The following CAMSAP1 variants were observed in gnomAD, a reference collection of about 807,000 sequenced individuals.
CAMSAP1 encodes calmodulin regulated spectrin associated protein 1, also known as calmodulin-regulated spectrin-associated protein 1.
In CAMSAP1, 58 loss-of-function variants were observed where a neutral mutation model predicts 143.5. The observed-to-expected ratio is 0.40, with a 90% CI of 0.33 to 0.50. The LOEUF (loss-of-function observed/expected upper bound fraction) is 0.50. CAMSAP1 is among the 20% of genes least tolerant of loss of function. CAMSAP1 has a pLI of 0.45. For missense variants in CAMSAP1, 1,969 were observed against 2,115.7 expected, an observed-to-expected ratio of 0.93 and a Z score of 1.36; for synonymous variants, 945 against 859.3, an observed-to-expected ratio of 1.10 and a Z score of -1.74.
intron 3 of CAMSAP1, among the ~76,000 whole-genome samples, chr9:135,877,797 C>T (rs1033866515): frequency 6.6e-6 from 1 of 151,862 alleles, no homozygotes; most frequent in African/African-American, 2.4e-5. Flanking sequence ...GGCCACAAAA[C>T]GAGACTCTGT....
chr9:135,823,200 G>A lies in CAMSAP1; in HGVS notation c.1461C>T (p.Pro487=). The part of the protein sequence containing the change: ...LHHAASCEVD[P]SSGDSISLAR... The stretch of plus-strand genomic sequence containing the variant: ...CCAAGCTGATGCTGTCGCCAGAGCT[G>A]GGATCCACTTCACAACTCGCAGCGT... Residue 487 remains proline (P), a synonymous_variant, in exon 11 of 17, where the codon CCC becomes CCT. Transcript: ENST00000389532. 1.3e-6 allele frequency: 2 copies of A among 1,588,524 alleles called. No individual in the cohort carries two copies. Among genetic ancestry groups the A allele is most frequent in the Non-Finnish European group, 1.7e-6 (2 of 1,165,820 alleles).
At chr9:135,864,316 C>A (rs1723948627) in intron 4 of CAMSAP1, among the ~76,000 whole-genome samples, 2 of 152,316 alleles carry the variant, frequency 1.3e-5, no homozygotes, top group Admixed American at 1.3e-4. Flanking sequence ...GTTAAAAGAT[C>A]TATATTGATT....
chr9:135,877,671 G>A (rs1412839392), intron 3 of CAMSAP1, among the ~76,000 whole-genome samples: 1 of 151,940 alleles, frequency 6.6e-6, no homozygotes, highest in African/African-American at 2.4e-5. Context: ...AATCAGCCAG[G>A]CACGGTGGTG....
chr9:135,869,518 A>C (rs1431857498), intron 3 of CAMSAP1, among the ~76,000 whole-genome samples: 5 of 152,062 alleles, frequency 3.3e-5, no homozygotes, highest in Non-Finnish European at 5.9e-5. Flanking sequence ...AAAAAAAAAA[A>C]AAACAGCCAG....
At chr9:135,841,278 T>C (rs1377330721) in intron 7 of CAMSAP1, among the ~76,000 whole-genome samples, 2 of 152,212 alleles carry the variant, frequency 1.3e-5, no homozygotes, top group Non-Finnish European at 1.5e-5. Context: ...GCAAAGCCGC[T>C]GTAGCCAGAC....
At chr9:135,866,719 C>T (rs374924480) in intron 3 of CAMSAP1, among the ~76,000 whole-genome samples, 183 bp from the exon 4 acceptor site, 4 of 152,168 alleles carry the variant, frequency 2.6e-5, no homozygotes, top group African/African-American at 7.2e-5. Flanking sequence ...CAACAAGGTC[C>T]GCCTGCTACC....
chr9:135,849,415 T>C (rs1431000970), intron 7 of CAMSAP1, among the ~76,000 whole-genome samples: 1 of 152,230 alleles, frequency 6.6e-6, no homozygotes, highest in Non-Finnish European at 1.5e-5. Context: ...GTGTCATCTT[T>C]AATTTGCATA....
chr9:135,810,735 T>C lies in CAMSAP1; in HGVS notation c.*574A>G, dbSNP rs1183553414. 6.5e-6 allele frequency: 1 copy of C among 152,690 alleles called. No individual in the cohort carries two copies. The highest frequency in any genetic ancestry group is 1.5e-5 in the Non-Finnish European group (1 of 68,108). 9.5% of individuals were successfully genotyped at this position (152,690 alleles called of 1,614,324 possible). A position where few individuals can be genotyped will look rare whatever the true frequency, so the allele number is the denominator to read the frequency against. On this transcript the variant is annotated 3_prime_UTR_variant, in exon 17 of 17. Transcript: ENST00000389532. ...CAGAAATCTTAGAATTGGATATAAA[T>C]GTTGGCAGTAGACACAACCAATAAA...
At position 135,823,992 on chromosome 9, in the gene CAMSAP1, T is replaced by C. The variant is rs1835583040; in HGVS notation, c.1358A>G (p.Gln453Arg). Residue 453 changes from glutamine (Q) to arginine (R), a missense_variant, in exon 10 of 17, where the codon CAG (glutamine) becomes CGG (arginine). Physicochemically the swap from Gln to Arg is conservative, Grantham distance 43. This residue lies in a region of CAMSAP1 where 1,390 missense variants were observed against 1,420.8 expected (regional missense o/e 0.98). Coordinates refer to ENST00000389532, the MANE Select transcript of CAMSAP1 (RefSeq NM_015447.4). ...CCAGGCTATTGCTGCTCCTCGAGGCTGACCATCAACTCGGGTCAAAGAATT... is the reference window on the plus strand; with the variant it reads ...CCAGGCTATTGCTGCTCCTCGAGGCCGACCATCAACTCGGGTCAAAGAATT... ...RSNSLTRVDGQPRGAAIAWPE... is the reference protein window; with the variant it reads ...RSNSLTRVDGRPRGAAIAWPE... 2.5e-6 allele frequency: 4 copies of C among 1,590,270 alleles called. No homozygotes were observed. Among genetic ancestry groups the C allele is most frequent in the Non-Finnish European group, 2.6e-6 (3 of 1,167,974 alleles).
At chr9:135,819,672 T>TAA (rs55894826) in intron 11 of CAMSAP1, among the ~76,000 whole-genome samples, 3,066 of 104,534 alleles carry the variant, frequency 0.029, 111 homozygotes, top group African/African-American at 0.089. Flanking sequence ...TGTCTCCACT[T>TAA]AAAAAAAAAA....
chr9:135,852,358 A>C (rs1300737079), intron 5 of CAMSAP1, among the ~76,000 whole-genome samples: 1 of 152,216 alleles, frequency 6.6e-6, no homozygotes, highest in African/African-American at 2.4e-5. Context: ...ATATGGTTAC[A>C]TTTAACAATC....
At chr9:135,888,606 C>G (rs570512732) in intron 1 of CAMSAP1, among the ~76,000 whole-genome samples, 11 of 152,198 alleles carry the variant, frequency 7.2e-5, no homozygotes, top group Admixed American at 1.3e-4. Context: ...CCAGAATGTC[C>G]CCGTGGGCGG....
In CAMSAP1 at chr9:135,822,300, G is replaced by T. The variant is rs371489446; in HGVS notation, c.2361C>A (p.Asp787Glu). ...GGCAGGGGCTCGAGCGGCCGCTGGC[G>T]TCATCTTTGTCTTCATGTTCCTTCA... ...MKVKEHEDKD[D>E]ASGRSSPCLS... is the part of the protein sequence containing the mutation. The change falls in exon 11 of 17, where the codon GAC becomes GAA. Residue 787 changes from aspartate (D) to glutamate (E), a missense_variant. By Grantham distance (45) the Asp-to-Glu change is conservative. This residue lies in a region of CAMSAP1 where 1,390 missense variants were observed against 1,420.8 expected (regional missense o/e 0.98). Coordinates refer to ENST00000389532, the MANE Select transcript of CAMSAP1 (RefSeq NM_015447.4). This position sits in a 1 kb window ranked among gnomAD's most constrained non-coding sequence, Gnocchi z 6.1. The T allele has an allele frequency of 1.2e-6, 2 of 1,613,870 alleles. No individual in the cohort carries two copies. Among genetic ancestry groups the T allele is most frequent in the South Asian group, 2.2e-5 (2 of 91,090 alleles).
At chr9:135,829,297 T>A (rs560479957) in intron 7 of CAMSAP1, among the ~76,000 whole-genome samples, 1 of 150,742 alleles carries the variant, frequency 6.6e-6, no homozygotes, top group Admixed American at 6.6e-5. Flanking sequence ...AGCTCAGGAG[T>A]TCTAGACTAG....
At chr9:135,904,963 T>TAAA (rs1838730787) in intron 1 of CAMSAP1, among the ~76,000 whole-genome samples, 1 of 136,076 alleles carries the variant, frequency 7.3e-6, no homozygotes, top group African/African-American at 3.0e-5. Context: ...AGACTCCGTC[T>TAAA]CAAAAAAAAA....
At chr9:135,855,964 A>G (rs529789903) in intron 5 of CAMSAP1, among the ~76,000 whole-genome samples, 4 of 151,668 alleles carry the variant, frequency 2.6e-5, no homozygotes, top group Non-Finnish European at 5.9e-5. Flanking sequence ...AGGCAGGAGA[A>G]TGGCGTGAAC....
chr9:135,894,856 C>T (rs1353886384), intron 1 of CAMSAP1, among the ~76,000 whole-genome samples: 1 of 152,214 alleles, frequency 6.6e-6, no homozygotes, highest in Non-Finnish European at 1.5e-5. Context: ...TTTAAAGCAA[C>T]TGGCATGAAA....
Position 135,820,244 on chromosome 9 carries a change from G to T in CAMSAP1, c.3822+595C>A, listed in dbSNP as rs1197203186. On this transcript the variant is annotated intron_variant, in intron 11 of 16. Coordinates refer to ENST00000389532, the MANE Select transcript of CAMSAP1 (RefSeq NM_015447.4). This position sits in a 1 kb window ranked among gnomAD's most constrained non-coding sequence, Gnocchi z 4.4. Reference sequence around the variant, plus strand: ...ATTGAAAAACTACCACGAAAACATGGTCTTATCATCTTAGGAGACGACGAT... The same window carrying T: ...ATTGAAAAACTACCACGAAAACATGTTCTTATCATCTTAGGAGACGACGAT... Among the ~76,000 whole-genome samples, 6 of 151,998 alleles carry T rather than the reference G, an allele frequency of 3.9e-5. No homozygotes were observed. Among genetic ancestry groups the T allele is most frequent in the Admixed American group, 3.9e-4 (6 of 15,270 alleles).
rs1588444820 is a variant in CAMSAP1 at position 135,821,772 on chromosome 9, C to T, written c.2889G>A (p.Gln963=). The change falls in exon 11 of 17, where the codon CAG becomes CAA. Residue 963 remains glutamine (Q), a synonymous_variant. Transcript: ENST00000389532. This position sits in a 1 kb window ranked among gnomAD's most constrained non-coding sequence, Gnocchi z 4.6. ...GTGGCTCGTGAAGGAGCTCCTCTCT[C>T]TGCTCCTCCTTCACGAGAAAGTCTT... is the stretch of plus-strand genomic sequence containing the variant. ...KTEDFLVKEE[Q]REELLHEPQD... 9 of 1,614,032 alleles carry T rather than the reference C, an allele frequency of 5.6e-6. No individual in the cohort carries two copies.
Sources: allele counts gnomAD v4.1 joint callset (sites outside exome capture counted in the v4.1 genomes callset), GRCh38; gene constraint gnomAD v4.1.1; regional missense constraint gnomAD v4.1.1; non-coding constraint Gnocchi (gnomAD v3.1); transcripts MANE v1.5; gene names NCBI Gene and HGNC (gene_info 2026-07-23, HGNC 2026-07-21).